The following FBXL18 variants were observed in gnomAD, a reference collection of about 807,000 sequenced individuals.
FBXL18 encodes F-box and leucine rich repeat protein 18.
Under a neutral mutation model 46.0 loss-of-function variants are expected in FBXL18, and 36 were observed. The ratio of observed to expected loss-of-function variants is 0.78; its 90% CI spans 0.60 to 1.03. The LOEUF (loss-of-function observed/expected upper bound fraction) is 1.03, where lower values mean the gene tolerates loss of function less well. Ranked by LOEUF, FBXL18 falls within the 50% of genes least tolerant of loss-of-function variation. FBXL18 has a pLI of 0.00. For missense variants in FBXL18, 977 were observed against 1,004.1 expected, an observed-to-expected ratio of 0.97 and a Z score of 0.36; for synonymous variants, 557 against 465.3, an observed-to-expected ratio of 1.20 and a Z score of -2.54.
At chr7:5,494,659 G>C (rs1340520941) in intron 3 of FBXL18, among the ~76,000 whole-genome samples, 1 of 152,194 alleles carries the variant, frequency 6.6e-6, no homozygotes, top group African/African-American at 2.4e-5. Context: ...GGGTAAAAAA[G>C]ACGGTGCAGG....
chr7:5,498,322 A>C (rs950114296), intron 3 of FBXL18, among the ~76,000 whole-genome samples: 1 of 151,976 alleles, frequency 6.6e-6, no homozygotes, highest in Admixed American at 6.6e-5. Context: ...TCCTGACCTT[A>C]TGATCCACCC....
downstream of FBXL18, among the ~76,000 whole-genome samples, chr7:5,472,238 G>A (rs367652810): frequency 7.9e-5 from 12 of 152,016 alleles, no homozygotes; most frequent in Admixed American, 6.6e-4. Context: ...AGTGCACTAA[G>A]ACGCACTTTC....
chr7:5,489,047 T>C (rs952027963), intron 4 of FBXL18: 2 of 303,488 alleles, frequency 6.6e-6, no homozygotes, highest in Non-Finnish European at 1.3e-5. Context: ...CCACCCAGGC[T>C]GCCCCCCTGG....
chr7:5,500,051 C>T (rs146935265), intron 3 of FBXL18, among the ~76,000 whole-genome samples: 68 of 149,174 alleles, frequency 4.6e-4, no homozygotes, highest in African/African-American at 1.5e-3. Flanking sequence ...GATGACAGAG[C>T]GAGACCCTGT....
intron 4 of FBXL18, among the ~76,000 whole-genome samples, chr7:5,483,588 T>C (rs1783701663): frequency 1.3e-5 from 2 of 150,472 alleles, no homozygotes; most frequent in Admixed American, 1.3e-4. Flanking sequence ...CTACTAATAA[T>C]ACAAAATTAG....
At chr7:5,460,274 C>A (rs1179983239) in intron 4 of FBXL18, among the ~76,000 whole-genome samples, 1 of 152,082 alleles carries the variant, frequency 6.6e-6, no homozygotes, top group Non-Finnish European at 1.5e-5. Context: ...AACAAAAAGA[C>A]AGTGCCTGAC....
intron 4 of FBXL18, chr7:5,489,387 C>T: frequency 2.0e-6 from 1 of 506,536 alleles, no homozygotes; most frequent in South Asian, 1.4e-5. Flanking sequence ...GTAATCCCAG[C>T]ACTTTGGGAG....
downstream of FBXL18, among the ~76,000 whole-genome samples, chr7:5,472,979 G>T (rs1408190269): frequency 2.6e-5 from 4 of 152,054 alleles, no homozygotes; most frequent in Non-Finnish European, 5.9e-5. Flanking sequence ...GGGCTCCTGG[G>T]CTTCCTCGCT....
intron 1 of FBXL18, among the ~76,000 whole-genome samples, chr7:5,506,277 C>G (rs576578424): frequency 5.1e-5 from 7 of 138,326 alleles, no homozygotes; most frequent in Non-Finnish European, 1.1e-4. Context: ...TAGACAAGGT[C>G]TTGCTTTGTC....
chr7:5,474,686 T>TTTTATTTATTTA (rs57021114), downstream of FBXL18, among the ~76,000 whole-genome samples: 1,639 of 39,386 alleles, frequency 0.042, 23 homozygotes, highest in African/African-American at 0.1. Context: ...GCACTTTATT[T>TTTTATTTATTTA]TTTATTTATT....
intron 1 of FBXL18, among the ~76,000 whole-genome samples, chr7:5,512,232 G>C (rs1337719798): frequency 7.0e-6 from 1 of 142,290 alleles, no homozygotes; most frequent in Admixed American, 7.5e-5. Flanking sequence ...GCAACAGAGC[G>C]AGACTCCGTC....
At chr7:5,499,520 G>C (rs1428024199) in intron 3 of FBXL18, among the ~76,000 whole-genome samples, 1 of 152,158 alleles carries the variant, frequency 6.6e-6, no homozygotes, top group Non-Finnish European at 1.5e-5. Flanking sequence ...CCTGAGGTCA[G>C]GAGTTCAAGA....
chr7:5,505,945 A>G (rs1584242485), intron 1 of FBXL18, among the ~76,000 whole-genome samples: 2 of 152,094 alleles, frequency 1.3e-5, no homozygotes, highest in African/African-American at 4.8e-5. Flanking sequence ...GCTCACTGCA[A>G]CCTCCGCCTC....
chr7:5,474,679 CTTTATTTTTTATTTATTTATTTA>C (rs1175604978), downstream of FBXL18, among the ~76,000 whole-genome samples: 14 of 129,798 alleles, frequency 1.1e-4, no homozygotes, highest in African/African-American at 2.9e-4. Flanking sequence ...AAATTATGCA[CTTTATTTTTTATTTATTTATTTA>C]TTTATTTATT....
chr7:5,491,177 G>A lies in FBXL18; in HGVS notation c.2000+54C>T, dbSNP rs1783911737. The A allele has an allele frequency of 2.7e-6, 4 of 1,501,894 alleles. No homozygotes were observed. The East Asian group carries it at 9.7e-5, about 36-fold the overall frequency. 93.0% of individuals were successfully genotyped at this position (1,501,894 alleles called of 1,614,324 possible). The stretch of plus-strand genomic sequence containing the variant: ...GGTGAAGGCTGGGGACCAGGTCACG[G>A]GATGCTGGTGATTTCTGCGGCCCCT... On this transcript the variant is annotated intron_variant, in intron 4 of 4. Transcript: ENST00000382368.
downstream of FBXL18, among the ~76,000 whole-genome samples, chr7:5,473,939 C>T (rs76620828): frequency 0.046 from 6,952 of 152,040 alleles, 179 homozygotes; most frequent in African/African-American, 0.075. Context: ...GGACTACAGG[C>T]GTGCGCCACA....
rs753947739 is a variant in FBXL18 at position 5,505,562 on chromosome 7, T to C, written c.87A>G (p.Leu29=). 1 of 1,613,966 alleles carries C rather than the reference T, an allele frequency of 6.2e-7. No individual in the cohort carries two copies. Among genetic ancestry groups the C allele is most frequent in the Non-Finnish European group, 8.5e-7 (1 of 1,179,940 alleles). Residue 29 remains leucine, a synonymous_variant, in exon 2 of 5, where the codon CTA becomes CTG. Transcript: ENST00000382368. ...GAAGGAGGATCTCATCAGAGAACCC[T>C]AGGAGGTGGACCCCGTCTGCCATCC... ...AAGMADGVHL[L]GFSDEILLHI...
At chr7:5,463,351 G>A (rs1241458516) in intron 4 of FBXL18, among the ~76,000 whole-genome samples, 1 of 152,002 alleles carries the variant, frequency 6.6e-6, no homozygotes, top group South Asian at 2.1e-4. Flanking sequence ...CTGGGGCAGT[G>A]GCTCAGGCCT....
At chr7:5,504,678 T>G (rs1486072127) in intron 2 of FBXL18, among the ~76,000 whole-genome samples, 32 of 148,440 alleles carry the variant, frequency 2.2e-4, no homozygotes, top group Non-Finnish European at 1.2e-4. Flanking sequence ...CACTTTGGGA[T>G]GTCGAGGCGG....
Sources: gnomAD v4.1 joint callset for allele counts (sites outside exome capture counted in the v4.1 genomes callset) on GRCh38, gnomAD v4.1.1 for gene constraint, MANE v1.5 for transcripts, NCBI Gene and HGNC (gene_info 2026-07-23, HGNC 2026-07-21) for gene names.